The following SLAMF9 variants were observed in gnomAD, a reference collection of about 807,000 sequenced individuals.
SLAMF9 encodes CD2 family member 10.
SLAMF9 carries 25 observed loss-of-function variants against 30.4 expected under a neutral mutation model. The observed-to-expected ratio is 0.82, with a 90% CI of 0.60 to 1.15. The LOEUF (loss-of-function observed/expected upper bound fraction) is 1.15. SLAMF9 is among the 50% of genes most tolerant of loss of function. The pLI, the probability that SLAMF9 is intolerant of heterozygous loss-of-function variation, is 0.00. For missense variants in SLAMF9, 344 were observed against 346.1 expected (o/e 0.99, Z 0.05); for synonymous variants, 129 against 127.2 (o/e 1.01, Z -0.09).
the SLAMF9 span, among the ~76,000 whole-genome samples, chr1:159,974,727 T>C: frequency 6.6e-6 from 1 of 152,248 alleles, no homozygotes; most frequent in South Asian, 2.1e-4. Context: ...AGGACAAGGG[T>C]CTCTCCCCAG....
chr1:159,961,981 A>G, the SLAMF9 span, among the ~76,000 whole-genome samples: 1 of 151,510 alleles, frequency 6.6e-6, no homozygotes, highest in African/African-American at 2.4e-5. Flanking sequence ...ACATGGTGAA[A>G]CCCCCGTCTC....
the SLAMF9 span, among the ~76,000 whole-genome samples, chr1:159,959,327 A>T: frequency 6.6e-6 from 1 of 151,440 alleles, no homozygotes; most frequent in Non-Finnish European, 1.5e-5. Flanking sequence ...ATGCATCTCT[A>T]TTCTGGGTGG....
chr1:159,972,050 G>A, the SLAMF9 span, among the ~76,000 whole-genome samples: 17 of 152,290 alleles, frequency 1.1e-4, no homozygotes, highest in South Asian at 4.2e-4. Context: ...AGCAGGAGAC[G>A]TAGACAACCC....
chr1:159,971,934 C>T, the SLAMF9 span, among the ~76,000 whole-genome samples: 1 of 152,074 alleles, frequency 6.6e-6, no homozygotes, highest in African/African-American at 2.4e-5. Context: ...CCCCCGCCAC[C>T]AAAACACAAA....
At chr1:159,958,066 T>C (rs1163838079), upstream of SLAMF9, among the ~76,000 whole-genome samples, 1 of 152,172 alleles carries the variant, frequency 6.6e-6, no homozygotes, top group Non-Finnish European at 1.5e-5. Context: ...AGAAGGCCTG[T>C]GGTGGGCAGG....
upstream of SLAMF9, among the ~76,000 whole-genome samples, chr1:159,954,844 C>T (rs1385039533): frequency 2.0e-5 from 3 of 152,026 alleles, no homozygotes; most frequent in Non-Finnish European, 2.9e-5. Flanking sequence ...TTTGGGAGGC[C>T]GAGGCAGGCA....
the SLAMF9 span, among the ~76,000 whole-genome samples, chr1:159,962,895 A>G: frequency 1.3e-5 from 2 of 152,164 alleles, no homozygotes; most frequent in Non-Finnish European, 2.9e-5. Context: ...TCTAGTTTGG[A>G]GGATAAGTTA....
At chr1:159,977,349 C>T in the SLAMF9 span, among the ~76,000 whole-genome samples, 1 of 152,182 alleles carries the variant, frequency 6.6e-6, no homozygotes, top group African/African-American at 2.4e-5. Context: ...CTTGTAGTTA[C>T]AGTCTGAGTT....
At chr1:159,981,898 A>T in the SLAMF9 span, among the ~76,000 whole-genome samples, 2 of 152,182 alleles carry the variant, frequency 1.3e-5, no homozygotes, top group Non-Finnish European at 2.9e-5. Flanking sequence ...CAGTTTGAGG[A>T]TCATCCTACC....
chr1:159,953,512 G>A lies in SLAMF9; in HGVS notation c.188C>T (p.Thr63Ile), dbSNP rs750333555. 6.2e-6 allele frequency: 10 copies of A among 1,614,212 alleles called. No individual in the cohort carries two copies. Among genetic ancestry groups the A allele is most frequent in the Non-Finnish European group, 8.5e-6 (10 of 1,180,032 alleles). Reference protein sequence around the residue: ...IIWSSHKSLATVVPGKEGHPA... With the variant: ...IIWSSHKSLAIVVPGKEGHPA... The stretch of plus-strand genomic sequence containing the variant: ...ATGTCCCTCTTTCCCTGGCACCACA[G>A]TGGCAAGACTTTTGTGAGAGGACCA... The change falls in exon 2 of 4, where the codon ACT becomes ATT. Residue 63 changes from threonine (T) to isoleucine (I), a missense_variant. Physicochemically the swap from Thr to Ile is moderately conservative, Grantham distance 89 (BLOSUM62 -1). Transcript: ENST00000368093.
the SLAMF9 span, chr1:159,973,168 G>T: frequency 1.3e-6 from 2 of 1,530,856 alleles, no homozygotes; most frequent in Non-Finnish European, 1.8e-6. Flanking sequence ...GAGAAAAGGA[G>T]CCTCCAGGCT....
chr1:159,953,717 G>GC, intron 1 of SLAMF9, 64 bp from the exon 2 acceptor site: 6 of 1,447,496 alleles, frequency 4.1e-6, no homozygotes, highest in Non-Finnish European at 5.6e-6. Context: ...GAACCTGGCA[G>GC]TGGAGCTGCC....
the SLAMF9 span, among the ~76,000 whole-genome samples, chr1:159,982,134 TC>T: frequency 6.6e-6 from 1 of 152,200 alleles, no homozygotes; most frequent in Non-Finnish European, 1.5e-5. Flanking sequence ...AGAGTCCTCC[TC>T]CTTTCTAAAG....
At chr1:159,966,824 T>C in the SLAMF9 span, among the ~76,000 whole-genome samples, 1 of 152,214 alleles carries the variant, frequency 6.6e-6, no homozygotes, top group Non-Finnish European at 1.5e-5. Context: ...GTTTTCTTGC[T>C]AATGAGTTGT....
the SLAMF9 span, chr1:159,974,099 G>A: frequency 4.7e-5 from 69 of 1,465,916 alleles, no homozygotes; most frequent in East Asian, 1.5e-3. Context: ...CCCTGGAGCT[G>A]CAGGTCCCAT....
the SLAMF9 span, among the ~76,000 whole-genome samples, chr1:159,968,747 A>C: frequency 6.6e-6 from 1 of 152,166 alleles, no homozygotes; most frequent in African/African-American, 2.4e-5. Context: ...TAGTCTATGG[A>C]AATGGTTAAG....
At chr1:159,979,793 C>T in the SLAMF9 span, among the ~76,000 whole-genome samples, 5 of 151,822 alleles carry the variant, frequency 3.3e-5, no homozygotes, top group Non-Finnish European at 7.4e-5. Flanking sequence ...GGACAAAACA[C>T]GTATGGAGAC....
the SLAMF9 span, among the ~76,000 whole-genome samples, chr1:159,981,701 C>T: frequency 6.6e-6 from 1 of 152,234 alleles, no homozygotes; most frequent in Non-Finnish European, 1.5e-5. Context: ...CTCCAGCCTC[C>T]TGCTGCTATA....
chr1:159,952,196 G>A, intron 3 of SLAMF9, 66 bp downstream of exon 3: 1 of 1,562,562 alleles, frequency 6.4e-7, no homozygotes, highest in South Asian at 1.1e-5. Flanking sequence ...AGAGCTGGGG[G>A]AGGGAGATGG....
Sources: allele counts gnomAD v4.1 joint callset (sites outside exome capture counted in the v4.1 genomes callset), GRCh38; gene constraint gnomAD v4.1.1; transcripts MANE v1.5; gene names NCBI Gene and HGNC (gene_info 2026-07-23, HGNC 2026-07-21).